The following U2SURP variants were observed in gnomAD, a reference collection of about 807,000 sequenced individuals.
U2SURP encodes U2 snRNP associated SURP domain containing, also known as U2 snRNP-associated SURP motif-containing protein.
In U2SURP, 9 loss-of-function variants were observed where a neutral mutation model predicts 144.9. The ratio of observed to expected loss-of-function variants is 0.06; its 90% CI spans 0.04 to 0.11. The LOEUF (loss-of-function observed/expected upper bound fraction) is 0.11. Ranked by LOEUF, U2SURP falls within the 10% of genes least tolerant of loss-of-function variation. The probability of loss-of-function intolerance (pLI) is 1.00; values close to 1 mark genes in which losing one functional copy is unlikely to be tolerated. For synonymous variants in U2SURP, 408 were observed against 396.8 expected, an observed-to-expected ratio of 1.03 and a Z score of -0.33; for missense variants, 724 against 1,226.7, an observed-to-expected ratio of 0.59 and a Z score of 6.12.
intron 14 of U2SURP, 48 bp downstream of exon 14, chr3:143,027,301 C>A (rs1933208266): frequency 6.9e-7 from 1 of 1,454,838 alleles, no homozygotes. Context: ...TAAAATTTCC[C>A]ATTTTAACTA....
At chr3:143,024,245 A>G (rs986501447) in intron 13 of U2SURP, among the ~76,000 whole-genome samples, 3 of 152,092 alleles carry the variant, frequency 2.0e-5, no homozygotes, top group Non-Finnish European at 4.4e-5. Flanking sequence ...GAATGTTTAT[A>G]GTTTGACTAG....
intron 1 of U2SURP, among the ~76,000 whole-genome samples, chr3:143,002,732 A>G: frequency 6.6e-6 from 1 of 152,198 alleles, no homozygotes; most frequent in East Asian, 1.9e-4. Context: ...CTCGTTTTCT[A>G]CTTGCTTTCT....
chr3:143,047,979 A>G (rs1458548953), intron 24 of U2SURP, among the ~76,000 whole-genome samples: 1 of 151,774 alleles, frequency 6.6e-6, no homozygotes, highest in Non-Finnish European at 1.5e-5. Flanking sequence ...TCCTTTTCTT[A>G]TTCTACTATT....
chr3:143,020,221 T>G lies in U2SURP; in HGVS notation c.638+185T>G, dbSNP rs548744329. On this transcript the variant is annotated intron_variant, in intron 7 of 27. Coordinates refer to ENST00000473835, the MANE Select transcript of U2SURP (RefSeq NM_001080415.2). ...ATAAATTAGCATTTAGTCCAGCACC[T>G]GGGTTGCTTGCATTACGAGGATTCA... 9.8e-5 allele frequency among the ~76,000 whole-genome samples: 15 copies of G among 152,370 alleles called. No homozygotes were observed. The East Asian group carries it at 2.9e-3, about 29-fold the overall frequency.
chr3:143,011,819 T>C (rs1269507465), intron 2 of U2SURP: 7 of 389,674 alleles, frequency 1.8e-5, no homozygotes, highest in African/African-American at 4.2e-5. Context: ...ATAACACTTA[T>C]GCTTACCAAA....
At chr3:143,050,818 G>T in intron 24 of U2SURP, 121 bp from the exon 25 acceptor site, 1 of 618,078 alleles carries the variant, frequency 1.6e-6, no homozygotes, top group Non-Finnish European at 2.8e-6. Context: ...TGGCCTTCAG[G>T]TGAGGTTATA....
intron 1 of U2SURP, among the ~76,000 whole-genome samples, chr3:143,007,313 G>A (rs189291573): frequency 6.6e-6 from 1 of 151,306 alleles, no homozygotes; most frequent in East Asian, 1.9e-4. Flanking sequence ...CAGAGACAGG[G>A]GTTCTTGCTA....
intron 3 of U2SURP, 55 bp downstream of exon 3, chr3:143,012,408 C>G: frequency 1.1e-5 from 16 of 1,452,606 alleles, no homozygotes; most frequent in Non-Finnish European, 1.5e-5. Context: ...TGATTTTAAT[C>G]TGTCTTTGAC....
At chr3:143,004,831 ATTTG>A (rs953524058) in intron 1 of U2SURP, among the ~76,000 whole-genome samples, 7 of 151,990 alleles carry the variant, frequency 4.6e-5, no homozygotes, top group African/African-American at 7.3e-5. Context: ...TTTCCTGTGC[ATTTG>A]TTTGTTTATC....
chr3:143,015,090 C>T (rs1479266722), intron 4 of U2SURP, among the ~76,000 whole-genome samples: 2 of 152,144 alleles, frequency 1.3e-5, no homozygotes, highest in East Asian at 1.9e-4. Flanking sequence ...ACATGTTGCA[C>T]CCCTGTCAGT....
At chr3:143,050,852 A>T in intron 24 of U2SURP, 87 bp from the exon 25 acceptor site, 1 of 838,562 alleles carries the variant, frequency 1.2e-6, no homozygotes, top group Middle Eastern at 2.5e-4. Flanking sequence ...CTAATTAGTT[A>T]CTACTTTGCT....
intron 1 of U2SURP, among the ~76,000 whole-genome samples, chr3:143,003,025 A>C (rs920351915): frequency 6.6e-6 from 1 of 152,198 alleles, no homozygotes; most frequent in African/African-American, 2.4e-5. Flanking sequence ...GTTCATAACA[A>C]GTCGTGCATA....
At chr3:143,033,487 C>T (rs1338829608) in intron 18 of U2SURP, 137 bp downstream of exon 18, 3 of 559,072 alleles carry the variant, frequency 5.4e-6, no homozygotes, top group Non-Finnish European at 9.4e-6. Context: ...GTTCCTTATC[C>T]ATGAATTCAA....
chr3:143,053,353 A>G (rs1934984913), intron 25 of U2SURP, among the ~76,000 whole-genome samples: 1 of 152,244 alleles, frequency 6.6e-6, no homozygotes, highest in Non-Finnish European at 1.5e-5. Context: ...TCATCTCTAG[A>G]ATGAGGATAA....
At chr3:143,053,877 C>A (rs746321616) in intron 26 of U2SURP, 83 bp downstream of exon 26, 1 of 1,129,502 alleles carries the variant, frequency 8.9e-7, no homozygotes, top group Non-Finnish European at 1.2e-6. Flanking sequence ...CATTGATGCC[C>A]GCAAACTGGA....
At chr3:143,006,259 A>C (rs1486819520) in intron 1 of U2SURP, among the ~76,000 whole-genome samples, 2 of 152,202 alleles carry the variant, frequency 1.3e-5, no homozygotes, top group Non-Finnish European at 2.9e-5. Context: ...TTTTTTAAAG[A>C]TGGATACCTT....
At position 143,053,893 on chromosome 3, in the gene U2SURP, T is replaced by G. The variant is rs553787441; in HGVS notation, c.2774+99T>G. ...ATTGATGCCCGCAAACTGGAAGTGT[T>G]TGTTCATGATAAACTTGTTTGGGTC... is the stretch of plus-strand genomic sequence containing the variant. On this transcript the variant is annotated intron_variant, in intron 26 of 27. Coordinates refer to ENST00000473835, the MANE Select transcript of U2SURP (RefSeq NM_001080415.2). 4 of 1,038,266 alleles carry G rather than the reference T, an allele frequency of 3.9e-6. No individual in the cohort carries two copies. In the East Asian group the frequency reaches 1.1e-4, roughly 28 times the overall value. The allele number at this position is 1,038,266 out of a possible 1,614,324, so 64.3% of individuals were successfully genotyped here.
At chr3:143,018,371 G>A (rs1200854394) in intron 6 of U2SURP, among the ~76,000 whole-genome samples, 1 of 152,098 alleles carries the variant, frequency 6.6e-6, no homozygotes, top group Non-Finnish European at 1.5e-5. Context: ...GCATGAATCA[G>A]TACTTCATTC....
At chr3:143,055,731 A>T (rs1935117414) in intron 27 of U2SURP, among the ~76,000 whole-genome samples, 1 of 152,158 alleles carries the variant, frequency 6.6e-6, no homozygotes, top group Non-Finnish European at 1.5e-5. Context: ...CTCCTTTTCT[A>T]AATGGCACCT....
Sources: gnomAD v4.1 joint callset for allele counts (sites outside exome capture counted in the v4.1 genomes callset) on GRCh38, gnomAD v4.1.1 for gene constraint, MANE v1.5 for transcripts, NCBI Gene and HGNC (gene_info 2026-07-23, HGNC 2026-07-21) for gene names.